LILRA1: variants seen among roughly 807,000 people sequenced by gnomAD.
LILRA1 encodes the protein leukocyte immunoglobulin-like receptor subfamily A member 1.
LILRA1 carries 51 observed loss-of-function variants against 51.6 expected under a neutral mutation model. The observed-to-expected ratio is 0.99, with a 90% CI of 0.79 to 1.25. The LOEUF is 1.25. Ranked by LOEUF, LILRA1 falls within the 50% of genes most tolerant of loss-of-function variation. LILRA1 has a pLI of 0.00. For missense variants in LILRA1, 660 were observed against 611.7 expected (o/e 1.08, Z -0.83); for synonymous variants, 305 against 248.4 (o/e 1.23, Z -2.14).
chr19:54,600,848 A>C lies in LILRA1; in HGVS notation c.*31A>C, dbSNP rs770189689. 8 of 1,611,038 alleles carry C rather than the reference A, an allele frequency of 5.0e-6. No homozygotes were observed. The East Asian group carries it at 1.8e-4, about 36-fold the overall frequency. On this transcript the variant is annotated 3_prime_UTR_variant, in exon 10 of 10. Coordinates refer to ENST00000251372, the MANE Select transcript of LILRA1 (RefSeq NM_006863.4). ...AGCCGGGAGGTGAACAGCAGAGAGA[A>C]GAATGTACCCTTCAGAGTGGTGGAG...
At chr19:54,600,157 C>T (rs182587874) in intron 8 of LILRA1, among the ~76,000 whole-genome samples, 5 of 152,224 alleles carry the variant, frequency 3.3e-5, no homozygotes, top group East Asian at 3.9e-4. Context: ...CTGGGTCCTC[C>T]GCTGGTGGAT....
intron 8 of LILRA1, among the ~76,000 whole-genome samples, chr19:54,600,246 G>C (rs143626334): frequency 6.6e-6 from 1 of 152,272 alleles, no homozygotes. Flanking sequence ...ACAGGGCTCA[G>C]TGACTTCTGT....
chr19:54,597,345 G>T (rs563877714), intron 7 of LILRA1, among the ~76,000 whole-genome samples: 2 of 152,130 alleles, frequency 1.3e-5, no homozygotes, highest in Non-Finnish European at 2.9e-5. Context: ...GGGGAGAGAG[G>T]TGTCTGAGGT....
rs142811908 is a variant in LILRA1 at position 54,595,161 on chromosome 19, C to A, written c.420C>A (p.Asn140Lys). ...GCCCTGTGGTGACCTCAGGAGGGAA[C>A]GTGACCCTCCATTGTGTCTCACAGG... ...LPSPVVTSGGNVTLHCVSQVA... is the reference protein window; with the variant it reads ...LPSPVVTSGGKVTLHCVSQVA... The change falls in exon 5 of 10, where the codon AAC becomes AAA. Residue 140 changes from asparagine (N) to lysine (K), a missense_variant. Physicochemically the swap from Asn to Lys is moderately conservative, Grantham distance 94. Coordinates refer to ENST00000251372, the MANE Select transcript of LILRA1 (RefSeq NM_006863.4). The A allele has an allele frequency of 8.1e-6, 13 of 1,613,568 alleles. No individual in the cohort carries two copies. The highest frequency in any genetic ancestry group is 1.3e-5 in the African/African-American group (1 of 74,746).
chr19:54,599,926 A>C (rs552727194), intron 8 of LILRA1, among the ~76,000 whole-genome samples: 1 of 151,492 alleles, frequency 6.6e-6, no homozygotes, highest in African/African-American at 2.4e-5. Context: ...CATTTAGCAT[A>C]TATATATATA....
chr19:54,599,597 A>G (rs2063129583), intron 8 of LILRA1: 1 of 1,100,694 alleles, frequency 9.1e-7, no homozygotes, highest in East Asian at 7.9e-5. Context: ...CAATTTGTAT[A>G]AACCGTAAGA....
chr19:54,595,697 G>C lies in LILRA1; in HGVS notation c.720G>C (p.Glu240Asp). ...CAGGTCCTATAGTGGCCCCTGGGGA[G>C]AGCCTGACCCTCCAGTGTGTTTCTG... ...VQPGPIVAPG[E>D]SLTLQCVSDV... The change falls in exon 6 of 10, where the codon GAG becomes GAC. Residue 240 changes from glutamate (E) to aspartate (D), a missense_variant. By Grantham distance (45) the Glu-to-Asp change is conservative (BLOSUM62 2). Coordinates refer to ENST00000251372, the MANE Select transcript of LILRA1 (RefSeq NM_006863.4). 4 of 1,614,040 alleles carry C rather than the reference G, an allele frequency of 2.5e-6. No homozygotes were observed. The highest frequency in any genetic ancestry group is 1.7e-5 in the Admixed American group (1 of 60,004).
intron 7 of LILRA1, among the ~76,000 whole-genome samples, chr19:54,598,222 T>C (rs1373845458): frequency 2.6e-5 from 4 of 152,130 alleles, no homozygotes; most frequent in African/African-American, 7.2e-5. Flanking sequence ...CTTCAATATA[T>C]AAATTTATAT....
rs542221173 is a variant in LILRA1, at chr19:54,599,346, G to A, written c.1312+60G>A. 15 of 1,515,522 alleles carry A rather than the reference G, an allele frequency of 9.9e-6. No homozygotes were observed. In the East Asian group the frequency reaches 1.4e-4, roughly 14 times the overall value. 93.9% of individuals were successfully genotyped at this position (1,515,522 alleles called of 1,614,324 possible). ...GCACAGAGGGTCAGGTCCTGTCAAG[G>A]GGAGCTGGGTGTCCTGGGTGGACAT... is the stretch of plus-strand genomic sequence containing the variant. On this transcript the variant is annotated intron_variant, in intron 8 of 9. Coordinates refer to ENST00000251372, the MANE Select transcript of LILRA1 (RefSeq NM_006863.4).
At chr19:54,599,565 G>C in intron 8 of LILRA1, 1 of 1,131,702 alleles carries the variant, frequency 8.8e-7, no homozygotes, top group Non-Finnish European at 1.1e-6. Flanking sequence ...CTTTTCAATG[G>C]ATCTCCTCTA....
At chr19:54,598,852 G>A (rs2063111645) in intron 7 of LILRA1, among the ~76,000 whole-genome samples, 2 of 152,148 alleles carry the variant, frequency 1.3e-5, no homozygotes, top group South Asian at 4.1e-4. Context: ...CTGGAGTGCA[G>A]TGGTGAAATC....
chr19:54,600,128 A>G (rs1317458488), intron 8 of LILRA1, among the ~76,000 whole-genome samples: 2 of 152,116 alleles, frequency 1.3e-5, no homozygotes, highest in Non-Finnish European at 2.9e-5. Context: ...CCTGCAGACC[A>G]ACCTCCCATG....
intron 7 of LILRA1, among the ~76,000 whole-genome samples, chr19:54,598,731 T>C (rs989112882): frequency 2.6e-5 from 4 of 152,296 alleles, no homozygotes; most frequent in African/African-American, 9.6e-5. Context: ...TGTAAAGGAA[T>C]CAAATACTTC....
At chr19:54,599,435 A>G in intron 8 of LILRA1, 149 bp downstream of exon 8, 1 of 1,318,552 alleles carries the variant, frequency 7.6e-7, no homozygotes, top group South Asian at 1.3e-5. Context: ...TTTATAAGTG[A>G]AGTATTTCAT....
chr19:54,595,510 C>G (rs756059808), intron 5 of LILRA1, 108 bp downstream of exon 5: 90 of 1,539,444 alleles, frequency 5.8e-5, no homozygotes, highest in Non-Finnish European at 6.6e-5. Context: ...GATGTTGGGG[C>G]GAGAGGGCTC....
rs568561906 is a variant in LILRA1, at chr19:54,596,567, C to G, written c.1261+76C>G. The G allele has an allele frequency of 2.4e-5, 38 of 1,579,760 alleles. No homozygotes were observed. In the East Asian group the frequency reaches 7.9e-4, roughly 33 times the overall value. Reference sequence around the variant, plus strand: ...CTGCCCCCCAGGAGAGCTCTGGACACTAAGAAAAGAGGGGAGTTGGCTGGG... The same window carrying G: ...CTGCCCCCCAGGAGAGCTCTGGACAGTAAGAAAAGAGGGGAGTTGGCTGGG... On this transcript the variant is annotated intron_variant, in intron 7 of 9. Coordinates refer to ENST00000251372, the MANE Select transcript of LILRA1 (RefSeq NM_006863.4).
At chr19:54,596,768 G>A (rs1398900815) in intron 7 of LILRA1, among the ~76,000 whole-genome samples, 1 of 152,164 alleles carries the variant, frequency 6.6e-6, no homozygotes, top group Non-Finnish European at 1.5e-5. Flanking sequence ...TCGGGAGGCT[G>A]AGGCAGGAGA....
chr19:54,596,164 T>C (rs28516458), intron 6 of LILRA1, 25 bp from the exon 7 acceptor site: 74,456 of 1,590,350 alleles, frequency 0.047, 2,251 homozygotes, highest in African/African-American at 0.13. Flanking sequence ...TGGGGCAGCC[T>C]CTCACCCATC....
rs2063152123 is a variant in LILRA1 at position 54,600,904 on chromosome 19, G to A, written c.*87G>A. On this transcript the variant is annotated 3_prime_UTR_variant, in exon 10 of 10. Coordinates refer to ENST00000251372, the MANE Select transcript of LILRA1 (RefSeq NM_006863.4). ...GGAACAGATCTGATGATGCCAGGAG[G>A]TTCCGGGAGACAATTTAGGGCTGAT... 1 of 1,480,876 alleles carries A rather than the reference G, an allele frequency of 6.8e-7. No homozygotes were observed. Among genetic ancestry groups the A allele is most frequent in the Admixed American group, 1.7e-5 (1 of 59,334 alleles). The allele number at this position is 1,480,876 out of a possible 1,614,324, so 91.7% of individuals were successfully genotyped here.
Sources: gnomAD v4.1 joint callset for allele counts (sites outside exome capture counted in the v4.1 genomes callset) on GRCh38, gnomAD v4.1.1 for gene constraint, MANE v1.5 for transcripts, NCBI Gene and HGNC (gene_info 2026-07-23, HGNC 2026-07-21) for gene names.